EPHA6: variants seen among roughly 807,000 people sequenced by gnomAD.
EPHA6 encodes EPH receptor A6.
Under a neutral mutation model 112.0 loss-of-function variants are expected in EPHA6, and 50 were observed. The observed-to-expected ratio is 0.45, with a 90% CI of 0.36 to 0.56. The LOEUF is 0.56. EPHA6 is among the 20% of genes least tolerant of loss of function. The probability of loss-of-function intolerance (pLI) is 0.00; values close to 1 mark genes in which losing one functional copy is unlikely to be tolerated. For missense variants in EPHA6, 1,280 were observed against 1,417.4 expected (o/e 0.90, Z 1.56); for synonymous variants, 529 against 490.7 (o/e 1.08, Z -1.03).
intron 15 of EPHA6, among the ~76,000 whole-genome samples, chr3:97,734,620 C>T (rs2035178321): frequency 6.6e-6 from 1 of 152,026 alleles, no homozygotes; most frequent in Admixed American, 6.6e-5. Context: ...TCCTTTTTTA[C>T]AAACAGCCTC....
intron 3 of EPHA6, among the ~76,000 whole-genome samples, chr3:97,040,868 T>A (rs1001193221): frequency 3.9e-5 from 6 of 152,044 alleles, no homozygotes; most frequent in African/African-American, 1.4e-4. Flanking sequence ...TATTGTTAAT[T>A]CTGATGTTTA....
intron 11 of EPHA6, among the ~76,000 whole-genome samples, chr3:97,548,572 A>G (rs1235898068): frequency 1.3e-5 from 2 of 152,150 alleles, no homozygotes; most frequent in Admixed American, 6.5e-5. Flanking sequence ...GTATTTGTCA[A>G]TTAGAATTCT....
intron 11 of EPHA6, among the ~76,000 whole-genome samples, chr3:97,560,972 A>C (rs376810348): frequency 6.6e-6 from 1 of 151,980 alleles, no homozygotes; most frequent in Non-Finnish European, 1.5e-5. Context: ...TCTGTGATTG[A>C]TGATCTCTGA....
intron 3 of EPHA6, among the ~76,000 whole-genome samples, chr3:97,019,508 A>G (rs2044378354): frequency 6.6e-6 from 1 of 152,056 alleles, no homozygotes; most frequent in Non-Finnish European, 1.5e-5. Context: ...TGTTTTCTCA[A>G]CACAAAAAGA....
At chr3:97,613,058 T>G (rs1358915011) in intron 13 of EPHA6, among the ~76,000 whole-genome samples, 2 of 151,872 alleles carry the variant, frequency 1.3e-5, no homozygotes, top group Non-Finnish European at 2.9e-5. Context: ...GTCACATTAT[T>G]ATAATGCAAA....
chr3:97,644,072 G>A (rs902329871), intron 14 of EPHA6, among the ~76,000 whole-genome samples: 2 of 151,284 alleles, frequency 1.3e-5, no homozygotes, highest in African/African-American at 2.4e-5. Context: ...AAAGAACAGA[G>A]ATTATAACAA....
intron 11 of EPHA6, among the ~76,000 whole-genome samples, chr3:97,534,224 T>C (rs1367088788): frequency 6.6e-6 from 1 of 152,182 alleles, no homozygotes; most frequent in Non-Finnish European, 1.5e-5. Context: ...TTGTGCATCA[T>C]TGTAAACCAC....
chr3:97,030,457 A>G (rs2044786909), intron 3 of EPHA6, among the ~76,000 whole-genome samples: 1 of 152,076 alleles, frequency 6.6e-6, no homozygotes, highest in African/African-American at 2.4e-5. Context: ...AGTTAGAGCC[A>G]TAGAGCACGG....
At chr3:97,184,433 G>C (rs2077067806) in intron 3 of EPHA6, among the ~76,000 whole-genome samples, 1 of 151,998 alleles carries the variant, frequency 6.6e-6, no homozygotes. Context: ...GACAAATAGA[G>C]AGGCAAATCA....
intron 11 of EPHA6, among the ~76,000 whole-genome samples, chr3:97,547,363 G>A (rs952130886): frequency 6.6e-6 from 1 of 152,188 alleles, no homozygotes; most frequent in Non-Finnish European, 1.5e-5. Context: ...TTCAGCAGCG[G>A]TGGCTACCGA....
At chr3:96,899,196 T>C (rs934183850) in intron 2 of EPHA6, among the ~76,000 whole-genome samples, 1 of 152,128 alleles carries the variant, frequency 6.6e-6, no homozygotes, top group Non-Finnish European at 1.5e-5. Flanking sequence ...TTGCCTGTAA[T>C]CCTTGGCATC....
chr3:97,546,559 C>T (rs193254938), intron 11 of EPHA6, among the ~76,000 whole-genome samples: 8 of 152,176 alleles, frequency 5.3e-5, no homozygotes, highest in African/African-American at 1.7e-4. Flanking sequence ...TTGCTCTTCT[C>T]GAAGAGTATC....
intron 14 of EPHA6, among the ~76,000 whole-genome samples, chr3:97,663,000 G>A (rs1460344183): frequency 6.6e-6 from 1 of 152,182 alleles, no homozygotes; most frequent in Non-Finnish European, 1.5e-5. Context: ...CATCCCACCA[G>A]GGTCAGTCTT....
chr3:97,713,611 T>A (rs1361363322), intron 14 of EPHA6, among the ~76,000 whole-genome samples: 1 of 152,234 alleles, frequency 6.6e-6, no homozygotes, highest in Non-Finnish European at 1.5e-5. Flanking sequence ...CTTGAGACAT[T>A]GATACGAAAT....
At chr3:97,484,137 A>C in intron 10 of EPHA6, 78 bp downstream of exon 10, 1 of 1,362,762 alleles carries the variant, frequency 7.3e-7, no homozygotes, top group East Asian at 2.6e-5. Flanking sequence ...ACTATCTTAA[A>C]TCTTGGCAGT....
At chr3:97,341,090 G>A (rs1273864266) in intron 5 of EPHA6, among the ~76,000 whole-genome samples, 2 of 152,166 alleles carry the variant, frequency 1.3e-5, no homozygotes, top group Non-Finnish European at 2.9e-5. Flanking sequence ...GCCAGAGGCC[G>A]AGTAGGTTCA....
At chr3:97,181,891 AG>A (rs1352269390) in intron 3 of EPHA6, among the ~76,000 whole-genome samples, 1 of 152,078 alleles carries the variant, frequency 6.6e-6, no homozygotes. Context: ...TGGGTACTCC[AG>A]GGACTGTCAC....
intron 3 of EPHA6, among the ~76,000 whole-genome samples, chr3:97,098,128 G>C (rs889467064): frequency 6.6e-6 from 1 of 151,794 alleles, no homozygotes; most frequent in Non-Finnish European, 1.5e-5. Flanking sequence ...CTTTTTGGGT[G>C]GTATCATTAA....
chr3:97,595,970 A>T (rs1403341330), intron 12 of EPHA6, among the ~76,000 whole-genome samples: 1 of 138,486 alleles, frequency 7.2e-6, no homozygotes, highest in Non-Finnish European at 1.5e-5. Context: ...CAGTGGCACG[A>T]TCTCGGCTCA....
Sources: allele counts gnomAD v4.1 joint callset (sites outside exome capture counted in the v4.1 genomes callset), GRCh38; gene constraint gnomAD v4.1.1; transcripts MANE v1.5; gene names NCBI Gene and HGNC (gene_info 2026-07-23, HGNC 2026-07-21).